The following COMMD10 variants were observed in gnomAD, a reference collection of about 807,000 sequenced individuals.
COMMD10 encodes COMM domain containing 10.
COMMD10 carries 33 observed loss-of-function variants against 28.9 expected under a neutral mutation model. The observed-to-expected ratio is 1.14, with a 90% CI of 0.87 to 1.53. COMMD10 has a LOEUF of 1.53. Among genes scored for constraint, COMMD10 ranks in the 40% most tolerant of loss-of-function variants. The pLI is 0.00. For missense variants in COMMD10, 310 were observed against 233.4 expected, an observed-to-expected ratio of 1.33 and a Z score of -2.14; for synonymous variants, 110 against 81.7, an observed-to-expected ratio of 1.35 and a Z score of -1.87.
chr5:116,177,665 A>G (rs1470405677), intron 5 of COMMD10, among the ~76,000 whole-genome samples: 1 of 151,862 alleles, frequency 6.6e-6, no homozygotes, highest in Non-Finnish European at 1.5e-5. Context: ...TTCAAGCATC[A>G]TTTTCTTCTC....
At chr5:116,273,891 A>T (rs1388565317) in intron 5 of COMMD10, among the ~76,000 whole-genome samples, 5 of 151,670 alleles carry the variant, frequency 3.3e-5, no homozygotes, top group East Asian at 3.9e-4. Context: ...GAAAAGAGAA[A>T]ATTTGAGGGT....
intron 5 of COMMD10, among the ~76,000 whole-genome samples, chr5:116,176,176 A>G (rs1372384347): frequency 1.3e-5 from 2 of 152,138 alleles, no homozygotes; most frequent in African/African-American, 2.4e-5. Context: ...CAGTGGCACG[A>G]TCTTGGTTCT....
chr5:116,282,589 G>A lies in COMMD10; in HGVS notation c.511-8928G>A, dbSNP rs1197531673. ...GACCATAACAAAGTAACACAAACGAGGTAGCTTAAACAACAGAAAATTATT... is the reference window on the plus strand; with the variant it reads ...GACCATAACAAAGTAACACAAACGAAGTAGCTTAAACAACAGAAAATTATT... On this transcript the variant is annotated intron_variant, in intron 5 of 6. Transcript: ENST00000274458. 3.3e-5 allele frequency among the ~76,000 whole-genome samples: 5 copies of A among 151,914 alleles called. No individual in the cohort carries two copies. The South Asian group carries it at 1.0e-3, about 32-fold the overall frequency.
chr5:116,258,117 C>G (rs1750341551), intron 5 of COMMD10, among the ~76,000 whole-genome samples: 1 of 151,656 alleles, frequency 6.6e-6, no homozygotes, highest in Non-Finnish European at 1.5e-5. Flanking sequence ...AATTTAAAGG[C>G]ATATAAATTG....
intron 5 of COMMD10, among the ~76,000 whole-genome samples, chr5:116,258,693 A>G (rs1750357644): frequency 1.3e-5 from 2 of 151,806 alleles, no homozygotes; most frequent in Non-Finnish European, 2.9e-5. Context: ...GTACCACTGT[A>G]GATGACCCTT....
At chr5:116,117,526 C>T (rs748394123) in intron 4 of COMMD10, among the ~76,000 whole-genome samples, 1 of 152,098 alleles carries the variant, frequency 6.6e-6, no homozygotes, top group East Asian at 1.9e-4. Context: ...TGCAGTGGCA[C>T]GATATCGGCT....
At chr5:116,127,259 TA>T (rs1751687654) in intron 4 of COMMD10, among the ~76,000 whole-genome samples, 1 of 152,092 alleles carries the variant, frequency 6.6e-6, no homozygotes, top group African/African-American at 2.4e-5. Flanking sequence ...TGGCGATCAT[TA>T]AAAAGTCAGG....
chr5:116,112,788 C>T (rs770713536), intron 4 of COMMD10, among the ~76,000 whole-genome samples: 3 of 151,570 alleles, frequency 2.0e-5, no homozygotes, highest in Non-Finnish European at 4.4e-5. Flanking sequence ...AGATTTTGTT[C>T]CTGTCATATT....
At chr5:116,129,255 A>G (rs1751771262) in intron 4 of COMMD10, among the ~76,000 whole-genome samples, 1 of 150,636 alleles carries the variant, frequency 6.6e-6, no homozygotes, top group African/African-American at 2.4e-5. Flanking sequence ...CATTTGTTTT[A>G]CGTTTTTAAT....
At chr5:116,149,674 A>T (rs900867663) in intron 5 of COMMD10, among the ~76,000 whole-genome samples, 2 of 150,668 alleles carry the variant, frequency 1.3e-5, no homozygotes, top group African/African-American at 2.4e-5. Flanking sequence ...GTGTCTGTTC[A>T]TGTCCTTTGC....
chr5:116,241,585 T>TATTA (rs1749813182), intron 5 of COMMD10, among the ~76,000 whole-genome samples: 1 of 112,368 alleles, frequency 8.9e-6, no homozygotes, highest in South Asian at 2.4e-4. Flanking sequence ...TCTGCTTTCT[T>TATTA]ATTTATTTAT....
chr5:116,187,493 G>A (rs771863239), intron 5 of COMMD10, among the ~76,000 whole-genome samples: 22 of 151,862 alleles, frequency 1.4e-4, no homozygotes, highest in Non-Finnish European at 3.1e-4. Flanking sequence ...AGATATTGAT[G>A]TAAAAAAAAA....
chr5:116,142,566 T>C (rs1752227498), intron 5 of COMMD10, among the ~76,000 whole-genome samples: 1 of 151,782 alleles, frequency 6.6e-6, no homozygotes, highest in Non-Finnish European at 1.5e-5. Context: ...AACGCAAACG[T>C]TGCATTCAGA....
intron 5 of COMMD10, among the ~76,000 whole-genome samples, chr5:116,222,841 G>T (rs1749298365): frequency 1.3e-5 from 2 of 152,000 alleles, no homozygotes; most frequent in Admixed American, 1.3e-4. Context: ...ACAGTTACAT[G>T]CCACCACGCC....
chr5:116,220,182 C>T (rs909993840), intron 5 of COMMD10, among the ~76,000 whole-genome samples: 2 of 152,122 alleles, frequency 1.3e-5, no homozygotes, highest in Non-Finnish European at 2.9e-5. Context: ...CATAACAGTA[C>T]ATCCAAAAAT....
At position 116,194,223 on chromosome 5, in the gene COMMD10, G is replaced by A. The variant is rs2112615789; in HGVS notation, c.510+60045G>A. On this transcript the variant is annotated intron_variant, in intron 5 of 6. Coordinates refer to ENST00000274458, the MANE Select transcript of COMMD10 (RefSeq NM_016144.4). ...TGCCTAAATCCCTAAAAAGACTGAA[G>A]GAGCACAAACTGACATTCCAAGGTC... is the stretch of plus-strand genomic sequence containing the variant. 1.3e-5 allele frequency among the ~76,000 whole-genome samples: 2 copies of A among 151,786 alleles called. 1 individual carries two copies. Among genetic ancestry groups the A allele is most frequent in the Non-Finnish European group, 2.9e-5 (2 of 67,878 alleles).
intron 4 of COMMD10, among the ~76,000 whole-genome samples, chr5:116,104,021 AC>A (rs1191738274): frequency 6.6e-6 from 1 of 152,146 alleles, no homozygotes; most frequent in Admixed American, 6.5e-5. Context: ...TCTGTATGGT[AC>A]CAGTACTACA....
At chr5:116,121,355 C>G (rs574446829) in intron 4 of COMMD10, among the ~76,000 whole-genome samples, 32 of 152,300 alleles carry the variant, frequency 2.1e-4, no homozygotes, top group African/African-American at 7.2e-4. Context: ...TGTATATGTG[C>G]CACATTTTCA....
Position 116,293,123 on chromosome 5 carries a change from C to G in COMMD10, c.*634C>G. The G allele has an allele frequency of 2.5e-6, 1 of 395,548 alleles. No homozygotes were observed. The highest frequency in any genetic ancestry group is 4.5e-6 in the Non-Finnish European group (1 of 224,016). 24.5% of individuals were successfully genotyped at this position (395,548 alleles called of 1,614,324 possible). ...TTTTTGTGTGTTTTTCTTTATACTGCAAATTAATAATGATTCACTTTATAG... is the reference window on the plus strand; with the variant it reads ...TTTTTGTGTGTTTTTCTTTATACTGGAAATTAATAATGATTCACTTTATAG... On this transcript the variant is annotated 3_prime_UTR_variant, in exon 7 of 7. Transcript: ENST00000274458.
Sources: gnomAD v4.1 joint callset for allele counts (sites outside exome capture counted in the v4.1 genomes callset) on GRCh38, gnomAD v4.1.1 for gene constraint, MANE v1.5 for transcripts, NCBI Gene and HGNC (gene_info 2026-07-23, HGNC 2026-07-21) for gene names.